The following ATG7 variants were observed in gnomAD, a reference collection of about 807,000 sequenced individuals.
ATG7 encodes autophagy related 7.
ATG7 carries 70 observed loss-of-function variants against 82.4 expected under a neutral mutation model. The observed-to-expected ratio is 0.85, with a 90% CI of 0.70 to 1.04. The LOEUF (loss-of-function observed/expected upper bound fraction) is 1.04. Among genes scored for constraint, ATG7 ranks in the 50% least tolerant of loss-of-function variants. The probability of loss-of-function intolerance (pLI) is 0.00; values close to 1 mark genes in which losing one functional copy is unlikely to be tolerated. For synonymous variants in ATG7, 287 were observed against 313.0 expected, an observed-to-expected ratio of 0.92 and a Z score of 0.88; for missense variants, 792 against 864.3, an observed-to-expected ratio of 0.92 and a Z score of 1.05.
intron 20 of ATG7, among the ~76,000 whole-genome samples, chr3:11,532,331 A>G (rs1390279372): frequency 6.6e-6 from 1 of 152,162 alleles, no homozygotes; most frequent in Non-Finnish European, 1.5e-5. Context: ...GTTGTGTGCT[A>G]TGGCCCAAAA....
intron 20 of ATG7, among the ~76,000 whole-genome samples, chr3:11,501,128 C>T (rs1352833500): frequency 6.6e-6 from 1 of 152,184 alleles, no homozygotes; most frequent in Non-Finnish European, 1.5e-5. Flanking sequence ...GTGATACGCA[C>T]CTGTAGTCCC....
intron 19 of ATG7, among the ~76,000 whole-genome samples, chr3:11,417,852 C>T (rs1335564886): frequency 7.1e-6 from 1 of 140,688 alleles, no homozygotes; most frequent in Non-Finnish European, 1.5e-5. Context: ...TGCTCTATCA[C>T]CCAGGCTGGA....
intron 20 of ATG7, among the ~76,000 whole-genome samples, chr3:11,506,587 C>CAAAAAAAAAAAAAAAAAAA (rs1275955326): frequency 8.4e-6 from 1 of 119,514 alleles, no homozygotes; most frequent in Admixed American, 8.4e-5. Context: ...AAAAAAAACC[C>CAAAAAAAAAAAAAAAAAAA]AAAAATTAGC....
At chr3:11,418,187 C>T (rs58354489) in intron 19 of ATG7, among the ~76,000 whole-genome samples, 1 of 151,526 alleles carries the variant, frequency 6.6e-6, no homozygotes, top group Admixed American at 6.6e-5. Context: ...TCACTGCAGC[C>T]TCAACCTCCC....
chr3:11,486,902 T>C (rs1319536020), intron 20 of ATG7, among the ~76,000 whole-genome samples: 5 of 150,044 alleles, frequency 3.3e-5, no homozygotes, highest in Admixed American at 1.3e-4. Context: ...GGCAGGGTCA[T>C]GGGACAATAG....
In ATG7 at chr3:11,295,921, G is replaced by A. The variant is rs545066072; in HGVS notation, c.-10-2765G>A. ...AGCCTCCCAAGTAGCTGGGATTACAGGCATGTGCCACCACACCCAGCTAAT... is the reference window on the plus strand; with the variant it reads ...AGCCTCCCAAGTAGCTGGGATTACAAGCATGTGCCACCACACCCAGCTAAT... On this transcript the variant is annotated intron_variant, in intron 3 of 20. Transcript: ENST00000693202. Among the ~76,000 whole-genome samples the A allele has an allele frequency of 1.2e-4, 18 of 152,088 alleles. No individual in the cohort carries two copies. The South Asian group carries it at 3.5e-3, about 30-fold the overall frequency.
chr3:11,370,198 A>G (rs1178891925), intron 18 of ATG7, among the ~76,000 whole-genome samples: 1 of 151,202 alleles, frequency 6.6e-6, no homozygotes, highest in African/African-American at 2.4e-5. Context: ...CTAAAAAGGA[A>G]TTTATAAAGA....
intron 20 of ATG7, among the ~76,000 whole-genome samples, chr3:11,518,956 G>A (rs890607949): frequency 1.3e-5 from 2 of 151,928 alleles, no homozygotes; most frequent in Admixed American, 6.6e-5. Flanking sequence ...TGCAATTCTA[G>A]CCTAATAAAA....
downstream of ATG7, among the ~76,000 whole-genome samples, chr3:11,561,297 C>T (rs755407073): frequency 7.2e-5 from 11 of 152,170 alleles, no homozygotes; most frequent in Admixed American, 1.3e-4. Context: ...GCCTTTATGT[C>T]AGTCTATCCA....
chr3:11,564,999 T>C, the ATG7 span: 3 of 1,505,484 alleles, frequency 2.0e-6, no homozygotes, highest in Non-Finnish European at 2.7e-6. Flanking sequence ...TCTGCGGCAG[T>C]CTCCATTGGC....
chr3:11,383,764 T>C (rs541587288), intron 19 of ATG7, among the ~76,000 whole-genome samples: 12 of 152,362 alleles, frequency 7.9e-5, no homozygotes, highest in African/African-American at 2.9e-4. Flanking sequence ...TGGATATATT[T>C]ACTCACTTGC....
At chr3:11,541,187 A>G (rs796636533) in intron 20 of ATG7, among the ~76,000 whole-genome samples, 11 of 152,348 alleles carry the variant, frequency 7.2e-5, no homozygotes, top group African/African-American at 2.6e-4. Flanking sequence ...GGCGTGAGCC[A>G]TCGCGCCCGG....
chr3:11,508,127 C>G (rs1052438644), intron 20 of ATG7, among the ~76,000 whole-genome samples: 44 of 152,066 alleles, frequency 2.9e-4, no homozygotes, highest in African/African-American at 9.6e-4. Flanking sequence ...CTCTCCGACA[C>G]TTTGTATACC....
chr3:11,286,480 G>C (rs1225275756), intron 3 of ATG7, among the ~76,000 whole-genome samples: 1 of 150,330 alleles, frequency 6.7e-6, no homozygotes. Context: ...ATAGAAGTTT[G>C]GGTTATTTCT....
At position 11,497,357 on chromosome 3, in the gene ATG7, C is replaced by CTATATATATATATATATATATATATATA. The variant is rs58838386; in HGVS notation, c.2080-57446_2080-57419dup. ...TGAAACCCCGTCTGTACTAAAAATA[C>CTATATATATATATATATATATATATATA]TATATATATATATATATATATATAT... On this transcript the variant is annotated intron_variant, in intron 20 of 20. Coordinates refer to ENST00000693202, the MANE Select transcript of ATG7 (RefSeq NM_001349232.2). Among the ~76,000 whole-genome samples, 13 of 57,316 alleles carry CTATATATATATATATATATATATATATA rather than the reference C, an allele frequency of 2.3e-4. 1 individual carries two copies. The highest frequency in any genetic ancestry group is 3.7e-4 in the Non-Finnish European group (12 of 32,256). 37.6% of individuals were successfully genotyped at this position (57,316 alleles called of 152,430 possible).
At chr3:11,525,509 G>T (rs1267654904) in intron 20 of ATG7, among the ~76,000 whole-genome samples, 25 of 81,688 alleles carry the variant, frequency 3.1e-4, no homozygotes, top group Admixed American at 7.1e-4. Context: ...TCATTTGTTT[G>T]TTGATTAACA....
chr3:11,290,544 A>G, intron 3 of ATG7: 1 of 373,458 alleles, frequency 2.7e-6, no homozygotes, highest in Non-Finnish European at 5.3e-6. Context: ...CTTCTCCTCC[A>G]GGTAGCTGTC....
chr3:11,376,780 C>G (rs944771928), intron 18 of ATG7, among the ~76,000 whole-genome samples: 1 of 151,984 alleles, frequency 6.6e-6, no homozygotes, highest in African/African-American at 2.4e-5. Context: ...GCTCTGTCAC[C>G]CAGGCTGGAG....
chr3:11,559,778 A>G (rs865965522), downstream of ATG7, among the ~76,000 whole-genome samples: 2 of 152,124 alleles, frequency 1.3e-5, no homozygotes, highest in Non-Finnish European at 2.9e-5. Context: ...TGGAGGACAG[A>G]GGGTTGCAGG....
Sources: allele counts gnomAD v4.1 joint callset (sites outside exome capture counted in the v4.1 genomes callset), GRCh38; gene constraint gnomAD v4.1.1; transcripts MANE v1.5; gene names NCBI Gene and HGNC (gene_info 2026-07-23, HGNC 2026-07-21).